Variants in WWC2 observed in about 807,000 individuals in gnomAD.
The protein encoded by WWC2 is protein WWC2.
WWC2 carries 101 observed loss-of-function variants against 138.5 expected under a neutral mutation model. That is an observed-to-expected ratio of 0.73 (90% confidence interval 0.62 to 0.86). The LOEUF is 0.86. Among genes scored for constraint, WWC2 ranks in the 40% least tolerant of loss-of-function variants. WWC2 has a pLI of 0.00. For synonymous variants in WWC2, 558 were observed against 538.4 expected (o/e 1.04, Z -0.50); for missense variants, 1,420 against 1,419.4 (o/e 1.00, Z -0.01).
chr4:183,167,220 T>C (rs955176684), intron 1 of WWC2, among the ~76,000 whole-genome samples: 2 of 152,198 alleles, frequency 1.3e-5, no homozygotes, highest in African/African-American at 4.8e-5. Flanking sequence ...TTTTATATAC[T>C]GGAGTTAGAC....
intron 11 of WWC2, among the ~76,000 whole-genome samples, chr4:183,264,427 A>G (rs1224175628): frequency 2.0e-5 from 3 of 152,238 alleles, no homozygotes; most frequent in Non-Finnish European, 4.4e-5. Flanking sequence ...CTAAAGATTC[A>G]GTAGCACAAA....
At chr4:183,246,087 C>T (rs1166797843) in intron 6 of WWC2, among the ~76,000 whole-genome samples, 5 of 152,154 alleles carry the variant, frequency 3.3e-5, no homozygotes, top group Non-Finnish European at 7.4e-5. Flanking sequence ...CTGCCAATGG[C>T]CATAGATCCC....
rs1229546649 is a variant in WWC2, at chr4:183,269,143, C to T, written c.2380C>T (p.His794Tyr). 1 of 1,610,118 alleles carries T rather than the reference C, an allele frequency of 6.2e-7. No individual in the cohort carries two copies. The highest frequency in any genetic ancestry group is 1.3e-5 in the African/African-American group (1 of 74,810). Residue 794 changes from histidine to tyrosine, a missense_variant, in exon 15 of 23, where the codon CAC becomes TAC. Transcript: ENST00000403733. ...GGTAGACCTTTGCTCTGTCAGTAAA[C>T]ACCGAAGGGAAGAATGCCTGGTAGG... Reference protein sequence around the residue: ...LRVDLCSVSKHRREECLAGTQ... With the variant: ...LRVDLCSVSKYRREECLAGTQ...
intron 21 of WWC2, among the ~76,000 whole-genome samples, chr4:183,292,297 C>T (rs374494373): frequency 2.0e-5 from 3 of 151,788 alleles, no homozygotes; most frequent in Admixed American, 6.6e-5. Context: ...GCCAGAGTGC[C>T]GAGAGTTTGA....
intron 1 of WWC2, among the ~76,000 whole-genome samples, chr4:183,109,204 C>T (rs1295734249): frequency 6.6e-6 from 1 of 151,946 alleles, no homozygotes; most frequent in Non-Finnish European, 1.5e-5. Context: ...TGTAAACAAA[C>T]AAACAAAAAT....
At chr4:183,208,915 T>C (rs1044833789) in intron 3 of WWC2, 34 bp from the exon 4 acceptor site, 8 of 1,426,868 alleles carry the variant, frequency 5.6e-6, no homozygotes, top group South Asian at 1.2e-5. Context: ...ATGCAACTTG[T>C]AAATAATTAG....
At chr4:183,138,198 C>G (rs574595295) in intron 1 of WWC2, among the ~76,000 whole-genome samples, 28 of 152,114 alleles carry the variant, frequency 1.8e-4, no homozygotes, top group Non-Finnish European at 3.5e-4. Flanking sequence ...TCACCCTCCC[C>G]CTATAACCTT....
At chr4:183,289,225 T>G (rs1337540707) in intron 20 of WWC2, among the ~76,000 whole-genome samples, 168 bp from the exon 21 acceptor site, 1 of 152,204 alleles carries the variant, frequency 6.6e-6, no homozygotes, top group Non-Finnish European at 1.5e-5. Context: ...GTAAGGCATG[T>G]CTCTCCCACT....
intron 1 of WWC2, among the ~76,000 whole-genome samples, chr4:183,110,047 A>G (rs1249039579): frequency 1.3e-5 from 2 of 152,190 alleles, no homozygotes; most frequent in South Asian, 2.1e-4. Context: ...TGGAAAATCA[A>G]GAGACATCTC....
intron 21 of WWC2, among the ~76,000 whole-genome samples, chr4:183,303,526 G>A (rs761775666): frequency 3.3e-5 from 5 of 152,168 alleles, no homozygotes; most frequent in African/African-American, 1.2e-4. Context: ...ACCCCATGAC[G>A]ACAGTCCTCA....
chr4:183,187,625 C>T (rs1372690860), intron 1 of WWC2, among the ~76,000 whole-genome samples: 2 of 150,462 alleles, frequency 1.3e-5, no homozygotes, highest in East Asian at 3.9e-4. Context: ...AATCCCAGCA[C>T]TTTGGGAGGC....
intron 1 of WWC2, among the ~76,000 whole-genome samples, chr4:183,166,447 T>G (rs963279185): frequency 2.0e-5 from 3 of 152,250 alleles, no homozygotes; most frequent in Non-Finnish European, 4.4e-5. Flanking sequence ...TCTTCACTTT[T>G]GTGAGCCATA....
At chr4:183,148,336 T>A (rs948275819) in intron 1 of WWC2, among the ~76,000 whole-genome samples, 1 of 152,358 alleles carries the variant, frequency 6.6e-6, no homozygotes. Context: ...GAAGCTTGTT[T>A]AACCTTATTT....
chr4:183,126,527 TA>T (rs1237913363), intron 1 of WWC2, among the ~76,000 whole-genome samples: 5 of 152,156 alleles, frequency 3.3e-5, no homozygotes, highest in African/African-American at 1.2e-4. Flanking sequence ...CAAATAACAC[TA>T]GGGGGTTCTT....
intron 21 of WWC2, among the ~76,000 whole-genome samples, chr4:183,292,987 G>T (rs1376979374): frequency 6.6e-6 from 1 of 152,242 alleles, no homozygotes. Flanking sequence ...TGTTTCTTTC[G>T]CTCTGTTACC....
At chr4:183,182,410 T>G (rs1734658234) in intron 1 of WWC2, among the ~76,000 whole-genome samples, 1 of 152,244 alleles carries the variant, frequency 6.6e-6, no homozygotes, top group African/African-American at 2.4e-5. Context: ...GTTATTTGTT[T>G]GGACAATAAT....
At chr4:183,205,991 G>C (rs1202418853) in intron 2 of WWC2, among the ~76,000 whole-genome samples, 1 of 152,130 alleles carries the variant, frequency 6.6e-6, no homozygotes, top group Non-Finnish European at 1.5e-5. Flanking sequence ...AGCTTCTACT[G>C]TGCTTTGCTT....
chr4:183,218,762 C>CT (rs1463828600), intron 4 of WWC2, among the ~76,000 whole-genome samples: 105 of 152,278 alleles, frequency 6.9e-4, no homozygotes, highest in African/African-American at 2.3e-3. Context: ...CTGTTGAATT[C>CT]CTACTAGGTT....
Position 183,191,790 on chromosome 4 carries a change from C to T in WWC2, c.132-1809C>T, listed in dbSNP as rs992551529. Among the ~76,000 whole-genome samples the T allele has an allele frequency of 1.4e-4, 22 of 151,794 alleles. 1 individual carries two copies. The highest frequency in any genetic ancestry group is 3.4e-4 in the African/African-American group (14 of 41,306). On this transcript the variant is annotated intron_variant, in intron 1 of 22. Transcript: ENST00000403733. Reference sequence around the variant, plus strand: ...TTGCCCAGGCTGGAATTCAGTGGTGCGATCATGGCTCACTGCAGCCTTGAA... The same window carrying T: ...TTGCCCAGGCTGGAATTCAGTGGTGTGATCATGGCTCACTGCAGCCTTGAA...
Sources: allele counts gnomAD v4.1 joint callset (sites outside exome capture counted in the v4.1 genomes callset), GRCh38; gene constraint gnomAD v4.1.1; transcripts MANE v1.5; gene names NCBI Gene and HGNC (gene_info 2026-07-23, HGNC 2026-07-21).